PJVK: variants seen among roughly 807,000 people sequenced by gnomAD.
PJVK encodes autosomal recessive deafness type 59 protein.
PJVK carries 33 observed loss-of-function variants against 37.6 expected under a neutral mutation model. That is an observed-to-expected ratio of 0.88 (90% CI 0.67 to 1.17). The LOEUF (loss-of-function observed/expected upper bound fraction) is 1.17. PJVK is among the 50% of genes most tolerant of loss of function. The probability of loss-of-function intolerance (pLI) is 0.00; values close to 1 mark genes in which losing one functional copy is unlikely to be tolerated. For missense variants in PJVK, 410 were observed against 413.8 expected (o/e 0.99, Z 0.08); for synonymous variants, 141 against 143.5 (o/e 0.98, Z 0.13).
In PJVK at chr2:178,461,584, C is replaced by CTTTTTTTTTTTTTTTTTTTTTTTTT. The variant is rs536141412; in HGVS notation, c.*328_*329insTTTTTTTTTTTTTTTTTTTTTTTTT. Among the ~76,000 whole-genome samples the CTTTTTTTTTTTTTTTTTTTTTTTTT allele has an allele frequency of 3.3e-5, 4 of 122,800 alleles. No individual in the cohort carries two copies. Among genetic ancestry groups the CTTTTTTTTTTTTTTTTTTTTTTTTT allele is most frequent in the African/African-American group, 1.3e-4 (4 of 30,958 alleles). 80.6% of individuals were successfully genotyped at this position (122,800 alleles called of 152,430 possible). ...GATGTAGTCTATCATTTTAGTTCAC[C>CTTTTTTTTTTTTTTTTTTTTTTTTT]TTTTTTTTTTTTTTTTTTGAGACAG... is the stretch of plus-strand genomic sequence containing the variant. On this transcript the variant is annotated 3_prime_UTR_variant, in exon 7 of 7. Transcript: ENST00000644580.
At chr2:178,455,842 G>A (rs892570389) in intron 3 of PJVK, among the ~76,000 whole-genome samples, 168 bp from the exon 4 acceptor site, 2 of 152,206 alleles carry the variant, frequency 1.3e-5, no homozygotes, top group African/African-American at 4.8e-5. Context: ...AAATAGAGAG[G>A]AGAGACAAAT....
chr2:178,459,085 T>A, intron 5 of PJVK: 1 of 464,744 alleles, frequency 2.2e-6, no homozygotes, highest in Admixed American at 2.4e-5. Flanking sequence ...CAGCTTCCCC[T>A]TGCACTCTTC....
chr2:178,455,978 AGAGTCTTGT>A (rs1423669310), intron 3 of PJVK, 23 bp from the exon 4 acceptor site: 1 of 1,610,066 alleles, frequency 6.2e-7, no homozygotes, highest in Non-Finnish European at 8.5e-7. Flanking sequence ...TAGATGTTAT[AGAGTCTTGT>A]GAATGTATCT....
chr2:178,460,421 G>A lies in PJVK; in HGVS notation c.741G>A (p.Arg247=). 1.2e-6 allele frequency: 2 copies of A among 1,614,016 alleles called. No individual in the cohort carries two copies. Among genetic ancestry groups the A allele is most frequent in the Non-Finnish European group, 1.7e-6 (2 of 1,179,970 alleles). Residue 247 remains arginine, a synonymous_variant, in exon 6 of 7, where the codon AGG becomes AGA. Transcript: ENST00000644580. ...EETATFALLY[R]LRNILFERNR... ...CGGCAACATTTGCACTGCTGTACAGGTTGAGAAATATCCTATTTGAAAGAA... is the reference window on the plus strand; with the variant it reads ...CGGCAACATTTGCACTGCTGTACAGATTGAGAAATATCCTATTTGAAAGAA...
chr2:178,455,941 CA>C lies in PJVK; in HGVS notation c.408-63del. ...ACTATGAATGAATAACACATGATAG[CA>C]AAAAATGTATTTGATTATGTGTAAT... On this transcript the variant is annotated intron_variant, in intron 3 of 6. Coordinates refer to ENST00000644580, the MANE Select transcript of PJVK (RefSeq NM_001042702.5). The C allele has an allele frequency of 2.6e-6, 4 of 1,559,174 alleles. No homozygotes were observed. In the South Asian group the frequency reaches 3.4e-5, roughly 13 times the overall value.
intron 4 of PJVK, among the ~76,000 whole-genome samples, chr2:178,457,182 T>C (rs1408058553): frequency 6.6e-6 from 1 of 152,194 alleles, no homozygotes; most frequent in East Asian, 1.9e-4. Flanking sequence ...TCCGCTAGCC[T>C]CGGCCTCCCA....
chr2:178,460,034 C>T (rs746317413), intron 5 of PJVK: 38 of 306,098 alleles, frequency 1.2e-4, no homozygotes, highest in Admixed American at 6.1e-4. Context: ...TGTATATATG[C>T]ATCTTTCTTT....
intron 1 of PJVK, chr2:178,453,082 C>A: frequency 3.1e-6 from 1 of 323,954 alleles, no homozygotes; most frequent in South Asian, 2.7e-5. Flanking sequence ...AGTGGCAAAT[C>A]ACTATCTACT....
At position 178,453,813 on chromosome 2, in the gene PJVK, G is replaced by A. The variant is rs184422785; in HGVS notation, c.211+193G>A. The A allele has an allele frequency of 2.3e-3, 1,198 of 528,720 alleles. 26 individuals are homozygous for A. The highest frequency in any genetic ancestry group is 0.019 in the South Asian group (806 of 43,168). The allele number at this position is 528,720 out of a possible 1,614,324, so 32.8% of individuals were successfully genotyped here. ...TTGTATAATATCAAATCTCTTATTG[G>A]TCAAATAATTTTCAAATCTATCAAT... is the stretch of plus-strand genomic sequence containing the variant. On this transcript the variant is annotated intron_variant, in intron 2 of 6. Transcript: ENST00000644580.
chr2:178,452,506 TAGTC>T (rs558855625), intron 1 of PJVK: 96 of 985,294 alleles, frequency 9.7e-5, no homozygotes, highest in Admixed American at 1.2e-4. Flanking sequence ...AAGGGCTACA[TAGTC>T]AGTATTTCAC....
In PJVK at chr2:178,456,160, C is replaced by A. The variant is rs1417980348; in HGVS notation, c.549+9C>A. 1.2e-6 allele frequency: 2 copies of A among 1,613,534 alleles called. No homozygotes were observed. Among genetic ancestry groups the A allele is most frequent in the South Asian group, 1.1e-5 (1 of 90,956 alleles). Reference sequence around the variant, plus strand: ...GAGGGGAAGCAATGCGGGTAAACCACACTTGTTGGGTTCTCTTACTAACTA... The same window carrying A: ...GAGGGGAAGCAATGCGGGTAAACCAAACTTGTTGGGTTCTCTTACTAACTA... On this transcript the variant is annotated intron_variant, in intron 4 of 6. Coordinates refer to ENST00000644580, the MANE Select transcript of PJVK (RefSeq NM_001042702.5).
chr2:178,461,190 C>T lies in PJVK; in HGVS notation c.975C>T (p.Cys325=), dbSNP rs551897239. ...TCAAAAGGGAGACAGTTTATGGGTG[C>T]TTTCAGTGTTCTGTTGATGGTCAGA... is the stretch of plus-strand genomic sequence containing the variant. ...GNFKRETVYG[C]FQCSVDGQKY... The change falls in exon 7 of 7, where the codon TGC becomes TGT. Residue 325 remains cysteine (C), a synonymous_variant. Transcript: ENST00000644580. The T allele has an allele frequency of 6.2e-7, 1 of 1,614,040 alleles. No individual in the cohort carries two copies. The highest frequency in any genetic ancestry group is 8.5e-7 in the Non-Finnish European group (1 of 1,180,028).
At chr2:178,454,621 G>A (rs368591044) in intron 3 of PJVK, 94 bp downstream of exon 3, 4 of 1,460,342 alleles carry the variant, frequency 2.7e-6, no homozygotes, top group Non-Finnish European at 3.8e-6. Flanking sequence ...CATTGAGGTT[G>A]TATTTTACTA....
intron 4 of PJVK, among the ~76,000 whole-genome samples, chr2:178,458,062 A>G (rs895886485): frequency 6.6e-6 from 1 of 152,246 alleles, no homozygotes; most frequent in African/African-American, 2.4e-5. Flanking sequence ...ATTCTGATTA[A>G]CATTGGATCA....
intron 3 of PJVK, chr2:178,455,549 A>C: frequency 1.4e-6 from 1 of 731,164 alleles, no homozygotes; most frequent in Non-Finnish European, 2.5e-6. Context: ...TGGCCCAGGC[A>C]CACAGGTCCC....
intron 1 of PJVK, 108 bp downstream of exon 1, chr2:178,451,877 C>T (rs1697689850): frequency 8.1e-6 from 8 of 982,736 alleles, no homozygotes; most frequent in South Asian, 4.7e-5. Context: ...TTTGGTGGGC[C>T]ATTAGATGAC....
In PJVK at chr2:178,454,593, T is replaced by A. The variant is rs1047708243; in HGVS notation, c.407+66T>A. On this transcript the variant is annotated intron_variant, in intron 3 of 6. Coordinates refer to ENST00000644580, the MANE Select transcript of PJVK (RefSeq NM_001042702.5). ...AATACTTTAGGTATATAAACTTCAT[T>A]ACAAAGAATGCTTAAAACATTGAGG... is the stretch of plus-strand genomic sequence containing the variant. 7 of 1,522,056 alleles carry A rather than the reference T, an allele frequency of 4.6e-6. No homozygotes were observed. The African/African-American group carries it at 8.3e-5, about 18-fold the overall frequency. The allele number at this position is 1,522,056 out of a possible 1,614,324, so 94.3% of individuals were successfully genotyped here.
intron 3 of PJVK, chr2:178,455,012 G>A: frequency 9.3e-7 from 1 of 1,073,952 alleles, no homozygotes; most frequent in Non-Finnish European, 1.5e-6. Flanking sequence ...ACTTCCAGCT[G>A]AAAGGGAAGG....
chr2:178,455,147 A>G (rs1559367679), intron 3 of PJVK: 3 of 1,601,300 alleles, frequency 1.9e-6, no homozygotes, highest in Non-Finnish European at 1.7e-6. Context: ...TGAGGACGGC[A>G]AGGTGGTGAC....
Sources: allele counts gnomAD v4.1 joint callset (sites outside exome capture counted in the v4.1 genomes callset), GRCh38; gene constraint gnomAD v4.1.1; transcripts MANE v1.5; gene names NCBI Gene and HGNC (gene_info 2026-07-23, HGNC 2026-07-21).